STXBP5L: variants seen among roughly 807,000 people sequenced by gnomAD.
The protein encoded by STXBP5L is syntaxin-binding protein 5-like.
Under a neutral mutation model 144.5 loss-of-function variants are expected in STXBP5L, and 65 were observed. The ratio of observed to expected loss-of-function variants is 0.45; its 90% CI spans 0.37 to 0.55. The LOEUF is 0.55. Among genes scored for constraint, STXBP5L ranks in the 20% least tolerant of loss-of-function variants. The pLI is 0.00. For missense variants in STXBP5L, 1,298 were observed against 1,405.5 expected, an observed-to-expected ratio of 0.92 and a Z score of 1.22; for synonymous variants, 505 against 469.6, an observed-to-expected ratio of 1.08 and a Z score of -0.97.
At chr3:121,299,134 AG>A (rs2051784511) in intron 19 of STXBP5L, among the ~76,000 whole-genome samples, 1 of 152,174 alleles carries the variant, frequency 6.6e-6, no homozygotes, top group Non-Finnish European at 1.5e-5. Context: ...CTCTGAATTG[AG>A]GTATTAAGTA....
chr3:121,364,000 G>A (rs1310610100), intron 20 of STXBP5L, among the ~76,000 whole-genome samples: 1 of 152,072 alleles, frequency 6.6e-6, no homozygotes, highest in Non-Finnish European at 1.5e-5. Flanking sequence ...TTTTTACTCT[G>A]TTGATAGTGT....
intron 2 of STXBP5L, among the ~76,000 whole-genome samples, chr3:120,926,450 C>T (rs1010747058): frequency 5.4e-5 from 8 of 148,194 alleles, no homozygotes; most frequent in Middle Eastern, 3.4e-3. Context: ...ATGTTATTTG[C>T]GTATTTTCTC....
chr3:121,418,237 A>G, intron 25 of STXBP5L, 100 bp from the exon 26 acceptor site: 2 of 1,298,096 alleles, frequency 1.5e-6, no homozygotes, highest in Non-Finnish European at 2.1e-6. Context: ...AATGAGAATT[A>G]TGACAGTAGA....
intron 9 of STXBP5L, among the ~76,000 whole-genome samples, chr3:121,200,324 T>C (rs2108209666): frequency 6.6e-6 from 1 of 152,328 alleles, no homozygotes; most frequent in Admixed American, 6.5e-5. Context: ...TGATCAGTGG[T>C]GATATCCCCT....
intron 22 of STXBP5L, 143 bp from the exon 23 acceptor site, chr3:121,407,100 G>A: frequency 2.0e-6 from 2 of 1,001,342 alleles, no homozygotes; most frequent in Non-Finnish European, 2.7e-6. Flanking sequence ...TATAACAGAT[G>A]AGCTCACAAA....
chr3:120,976,248 C>A (rs1214767251), intron 3 of STXBP5L, among the ~76,000 whole-genome samples: 3 of 152,132 alleles, frequency 2.0e-5, no homozygotes, highest in African/African-American at 4.8e-5. Flanking sequence ...TTCAGAGATT[C>A]AACTTCTTCC....
At chr3:120,960,395 C>G (rs147707277) in intron 3 of STXBP5L, among the ~76,000 whole-genome samples, 15,024 of 152,134 alleles carry the variant, frequency 0.099, 1,161 homozygotes, top group Admixed American at 0.2. Context: ...TTGACCCAGC[C>G]ATCCCATTAC....
intron 2 of STXBP5L, among the ~76,000 whole-genome samples, chr3:120,912,476 T>C (rs528782750): frequency 2.6e-5 from 4 of 151,904 alleles, no homozygotes; most frequent in Non-Finnish European, 5.9e-5. Flanking sequence ...TTTTTTATTG[T>C]GTAATATCGC....
chr3:121,376,093 TAA>T (rs1472742942), intron 20 of STXBP5L, among the ~76,000 whole-genome samples: 7 of 152,232 alleles, frequency 4.6e-5, no homozygotes, highest in Non-Finnish European at 8.8e-5. Flanking sequence ...CAATCGTAAT[TAA>T]CTTTTGTTCT....
chr3:121,211,445 T>C (rs1438024844), intron 10 of STXBP5L, among the ~76,000 whole-genome samples: 1 of 152,088 alleles, frequency 6.6e-6, no homozygotes, highest in Non-Finnish European at 1.5e-5. Flanking sequence ...ATTGCCCTGG[T>C]CAGAACCTCC....
At chr3:121,123,475 G>A (rs529626848) in intron 7 of STXBP5L, among the ~76,000 whole-genome samples, 17 of 151,394 alleles carry the variant, frequency 1.1e-4, no homozygotes, top group African/African-American at 3.1e-4. Context: ...TCTTTAAGAC[G>A]CATTTTTTAA....
At chr3:121,173,737 G>C (rs2046824111) in intron 9 of STXBP5L, among the ~76,000 whole-genome samples, 1 of 152,216 alleles carries the variant, frequency 6.6e-6, no homozygotes, top group East Asian at 1.9e-4. Context: ...AATATCATAA[G>C]TTTGTGTTAT....
intron 23 of STXBP5L, among the ~76,000 whole-genome samples, chr3:121,412,197 G>C (rs913934322): frequency 6.6e-6 from 1 of 152,098 alleles, no homozygotes; most frequent in Non-Finnish European, 1.5e-5. Context: ...AGAGAAAACT[G>C]TAGGATCCAT....
At chr3:121,370,010 ATGGGGGTGGACTTCCCTCT>A (rs559414439) in intron 20 of STXBP5L, among the ~76,000 whole-genome samples, 2 of 152,258 alleles carry the variant, frequency 1.3e-5, no homozygotes, top group African/African-American at 4.8e-5. Context: ...TGATTGAATA[ATGGGGGTGGACTTCCCTCT>A]TGCTGTTCTT....
At chr3:121,189,957 G>A (rs1431952525) in intron 9 of STXBP5L, among the ~76,000 whole-genome samples, 4 of 152,052 alleles carry the variant, frequency 2.6e-5, no homozygotes, top group Admixed American at 2.0e-4. Context: ...ACTTATAAGT[G>A]TAATCGATTA....
intron 22 of STXBP5L, among the ~76,000 whole-genome samples, chr3:121,384,023 T>C (rs2046373543): frequency 1.3e-5 from 2 of 152,144 alleles, no homozygotes; most frequent in Admixed American, 1.3e-4. Flanking sequence ...TTAAATAAAC[T>C]TTTGTTAGTC....
chr3:121,028,834 G>C (rs560680367), intron 3 of STXBP5L, among the ~76,000 whole-genome samples: 20 of 152,076 alleles, frequency 1.3e-4, no homozygotes, highest in Non-Finnish European at 2.4e-4. Context: ...CTTAATTCCT[G>C]ACAACAACTG....
chr3:121,002,023 G>T (rs1404775162), intron 3 of STXBP5L, among the ~76,000 whole-genome samples: 1 of 152,166 alleles, frequency 6.6e-6, no homozygotes, highest in African/African-American at 2.4e-5. Flanking sequence ...GAACCTTCAA[G>T]TGCAGATATA....
At chr3:121,321,759 T>A (rs2043978350) in intron 20 of STXBP5L, among the ~76,000 whole-genome samples, 1 of 152,212 alleles carries the variant, frequency 6.6e-6, no homozygotes, top group South Asian at 2.1e-4. Context: ...ATGAAAAGAT[T>A]GATGCAAATG....
Sources: allele counts gnomAD v4.1 joint callset (sites outside exome capture counted in the v4.1 genomes callset), GRCh38; gene constraint gnomAD v4.1.1; transcripts MANE v1.5; gene names NCBI Gene and HGNC (gene_info 2026-07-23, HGNC 2026-07-21).